Variants in TENM3 observed in about 807,000 individuals in gnomAD.
TENM3 encodes the protein teneurin transmembrane protein 3.
A neutral mutation model predicts 255.1 loss-of-function variants in TENM3; 63 were observed. That is an observed-to-expected ratio of 0.25 (90% CI 0.20 to 0.30). The LOEUF (loss-of-function observed/expected upper bound fraction) is 0.30. Ranked by LOEUF, TENM3 falls within the 10% of genes least tolerant of loss-of-function variation. The pLI, the probability that TENM3 is intolerant of heterozygous loss-of-function variation, is 1.00. For missense variants in TENM3, 2,929 were observed against 3,461.1 expected (o/e 0.85, Z 3.86); for synonymous variants, 1,306 against 1,322.3 (o/e 0.99, Z 0.27).
chr4:182,073,294 G>A, the TENM3 span, among the ~76,000 whole-genome samples: 7 of 152,290 alleles, frequency 4.6e-5, no homozygotes, highest in African/African-American at 1.2e-4. Flanking sequence ...AACCAGCCCC[G>A]TGATCCATCA....
the TENM3 span, among the ~76,000 whole-genome samples, chr4:181,830,262 G>GT: frequency 3.2e-4 from 48 of 151,906 alleles, no homozygotes; most frequent in Non-Finnish European, 5.4e-4. Context: ...TGCTTTTTTT[G>GT]TTTTTTTGTT....
chr4:181,921,275 T>C, the TENM3 span, among the ~76,000 whole-genome samples: 256 of 152,298 alleles, frequency 1.7e-3, 1 homozygote, highest in African/African-American at 5.8e-3. Context: ...GTGAAGAAAG[T>C]CATTGGTAGC....
chr4:182,573,983 ATTC>A (rs1004759793), intron 3 of TENM3, among the ~76,000 whole-genome samples: 1 of 152,140 alleles, frequency 6.6e-6, no homozygotes, highest in Non-Finnish European at 1.5e-5. Context: ...ACTAAAATTA[ATTC>A]TTCTTAAAGG....
chr4:182,405,282 G>A (rs1427515873), intron 3 of TENM3, among the ~76,000 whole-genome samples: 2 of 152,136 alleles, frequency 1.3e-5, no homozygotes, highest in African/African-American at 4.8e-5. Context: ...GCCTCCTTTT[G>A]TACTCACAGT....
chr4:182,477,307 A>G (rs1241938422), intron 3 of TENM3, among the ~76,000 whole-genome samples: 1 of 152,118 alleles, frequency 6.6e-6, no homozygotes, highest in Non-Finnish European at 1.5e-5. Flanking sequence ...CTGTTTTCTG[A>G]GTTTTACCCG....
intron 3 of TENM3, among the ~76,000 whole-genome samples, chr4:182,490,726 T>TTGGGTACTTGTGGTACAAA (rs60482694): frequency 6.6e-6 from 1 of 152,042 alleles, no homozygotes; most frequent in East Asian, 1.9e-4. Flanking sequence ...GATGGTACCT[T>TTGGGTACTTGTGGTACAAA]ATGAAGGGAC....
chr4:181,742,502 A>G, the TENM3 span, among the ~76,000 whole-genome samples: 4 of 152,106 alleles, frequency 2.6e-5, no homozygotes, highest in Non-Finnish European at 4.4e-5. Context: ...TTTAAAAAAG[A>G]CTTTCTGGTT....
At chr4:182,279,740 C>T (rs375279447) in intron 1 of TENM3, among the ~76,000 whole-genome samples, 1 of 152,234 alleles carries the variant, frequency 6.6e-6, no homozygotes, top group African/African-American at 2.4e-5. Context: ...TAGTGGATCG[C>T]AGAATAGTCA....
chr4:181,654,529 G>A, the TENM3 span, among the ~76,000 whole-genome samples: 2 of 152,112 alleles, frequency 1.3e-5, no homozygotes, highest in East Asian at 1.9e-4. Flanking sequence ...CGATGAGGGT[G>A]GATCACCTGA....
intron 16 of TENM3, among the ~76,000 whole-genome samples, chr4:182,735,147 C>G (rs1761065175): frequency 6.6e-6 from 1 of 152,086 alleles, no homozygotes; most frequent in African/African-American, 2.4e-5. Context: ...AATGGTTTCC[C>G]TGGGTCTAAA....
At chr4:181,920,769 T>G in the TENM3 span, among the ~76,000 whole-genome samples, 31 of 152,134 alleles carry the variant, frequency 2.0e-4, no homozygotes, top group African/African-American at 7.2e-4. Flanking sequence ...TGTCTTTTGT[T>G]GCCATTGCTT....
chr4:181,547,289 A>G, the TENM3 span, among the ~76,000 whole-genome samples: 1 of 152,190 alleles, frequency 6.6e-6, no homozygotes, highest in Non-Finnish European at 1.5e-5. Flanking sequence ...CAAAGTTGAA[A>G]AAATAGTAGT....
the TENM3 span, among the ~76,000 whole-genome samples, chr4:181,786,818 G>C: frequency 1.3e-5 from 2 of 152,018 alleles, no homozygotes; most frequent in Non-Finnish European, 2.9e-5. Flanking sequence ...CCTGAAGAAG[G>C]TTCTGCGGCC....
At chr4:182,041,470 A>G in the TENM3 span, among the ~76,000 whole-genome samples, 82 of 152,252 alleles carry the variant, frequency 5.4e-4, 1 homozygote, top group African/African-American at 1.8e-3. Context: ...AGCTTAACAC[A>G]CTGCTTGGGT....
chr4:182,248,655 C>G (rs1265873453), intron 1 of TENM3, among the ~76,000 whole-genome samples: 1 of 152,138 alleles, frequency 6.6e-6, no homozygotes, highest in African/African-American at 2.4e-5. Flanking sequence ...AAAATAGCAT[C>G]TGCATTGAGT....
chr4:181,729,467 T>C, the TENM3 span, among the ~76,000 whole-genome samples: 3 of 152,234 alleles, frequency 2.0e-5, no homozygotes, highest in Non-Finnish European at 4.4e-5. Context: ...GAGCTCATGA[T>C]GCTTTCTTTA....
At chr4:181,484,539 C>A in the TENM3 span, among the ~76,000 whole-genome samples, 1 of 152,082 alleles carries the variant, frequency 6.6e-6, no homozygotes, top group Non-Finnish European at 1.5e-5. Context: ...AATTCAAATT[C>A]AATCTAAATT....
At chr4:182,214,002 T>G (rs11132118) in intron 1 of TENM3, among the ~76,000 whole-genome samples, 36,621 of 151,940 alleles carry the variant, frequency 0.24, 5,108 homozygotes, top group South Asian at 0.4. Context: ...GGGGTTTCAC[T>G]TGTGTTAGCC....
At chr4:181,647,971 T>G in the TENM3 span, among the ~76,000 whole-genome samples, 1 of 152,026 alleles carries the variant, frequency 6.6e-6, no homozygotes, top group Admixed American at 6.6e-5. Context: ...AGCAGTTTAT[T>G]GTCAAGGATA....
Sources: gnomAD v4.1 joint callset for allele counts (sites outside exome capture counted in the v4.1 genomes callset) on GRCh38, gnomAD v4.1.1 for gene constraint, MANE v1.5 for transcripts, NCBI Gene and HGNC (gene_info 2026-07-23, HGNC 2026-07-21) for gene names.